The following KRT72 variants were observed in gnomAD, a reference collection of about 807,000 sequenced individuals.
KRT72 encodes the protein keratin, type II cytoskeletal 72.
In KRT72, 44 loss-of-function variants were observed where a neutral mutation model predicts 44.7. The observed-to-expected ratio is 0.98, with a 90% CI of 0.77 to 1.27. The LOEUF (loss-of-function observed/expected upper bound fraction) is 1.27. Ranked by LOEUF, KRT72 falls within the 50% of genes most tolerant of loss-of-function variation. KRT72 has a pLI of 0.00. For synonymous variants in KRT72, 302 were observed against 280.4 expected, an observed-to-expected ratio of 1.08 and a Z score of -0.77; for missense variants, 736 against 667.1, an observed-to-expected ratio of 1.10 and a Z score of -1.14.
chr12:52,599,176 G>T, intron 1 of KRT72, 64 bp from the exon 2 acceptor site: 1 of 1,543,378 alleles, frequency 6.5e-7, no homozygotes, highest in Non-Finnish European at 8.9e-7. Context: ...AGTGGGGAAA[G>T]GGCCCCAAAA....
chr12:52,586,025 T>C lies in KRT72; in HGVS notation c.1493A>G (p.Lys498Arg), dbSNP rs2120698039. Residue 498 changes from lysine to arginine, a missense_variant, in exon 9 of 9, where the codon AAA becomes AGA. Transcript: ENST00000293745. ...GGTGGCACAGCTGCTCCCCGAGGTT[T>C]TGGCAAGGGGATCCTTGAGCTCACT... ...CGSELKDPLA[K>R]TSGSSCATKK... The C allele has an allele frequency of 6.2e-7, 1 of 1,614,036 alleles. No individual in the cohort carries two copies. The highest frequency in any genetic ancestry group is 1.3e-5 in the African/African-American group (1 of 75,054).
At chr12:52,596,864 C>G (rs1940244202) in intron 2 of KRT72, among the ~76,000 whole-genome samples, 1 of 152,074 alleles carries the variant, frequency 6.6e-6, no homozygotes, top group Admixed American at 6.6e-5. Context: ...TTTCGAGATA[C>G]ATGCATATTT....
At chr12:52,589,195 G>A (rs1939900166) in intron 6 of KRT72, among the ~76,000 whole-genome samples, 2 of 152,120 alleles carry the variant, frequency 1.3e-5, no homozygotes, top group African/African-American at 4.8e-5. Flanking sequence ...CATCTGTGGA[G>A]CCACATTTGC....
At chr12:52,594,822 T>C (rs57275952) in intron 2 of KRT72, among the ~76,000 whole-genome samples, 2,109 of 152,280 alleles carry the variant, frequency 0.014, 37 homozygotes, top group African/African-American at 0.048. Flanking sequence ...CAAATGTGAC[T>C]GGGATGTTTT....
intron 2 of KRT72, among the ~76,000 whole-genome samples, chr12:52,593,984 T>G (rs948965688): frequency 6.6e-6 from 1 of 152,210 alleles, no homozygotes; most frequent in African/African-American, 2.4e-5. Context: ...ACATTATGAA[T>G]GTATTTGATA....
intron 2 of KRT72, among the ~76,000 whole-genome samples, 176 bp from the exon 3 acceptor site, chr12:52,593,128 CA>C (rs1940111910): frequency 6.6e-6 from 1 of 152,192 alleles, no homozygotes; most frequent in Non-Finnish European, 1.5e-5. Flanking sequence ...TTAAAGGAAT[CA>C]ATTTCCAGCT....
chr12:52,596,379 A>G (rs756495658), intron 2 of KRT72, among the ~76,000 whole-genome samples: 27 of 152,164 alleles, frequency 1.8e-4, no homozygotes, highest in Non-Finnish European at 3.2e-4. Flanking sequence ...CTTAGAAAAA[A>G]ATCTGCCCCA....
In KRT72 at chr12:52,585,936, G is replaced by C. The variant is rs73320342; in HGVS notation, c.*46C>G. ...GCCCAGGGAAGGAGAGGGAGGAGACGGGTGAGTTGGGAAGCCTTCTGCTCA... is the reference window on the plus strand; with the variant it reads ...GCCCAGGGAAGGAGAGGGAGGAGACCGGTGAGTTGGGAAGCCTTCTGCTCA... On this transcript the variant is annotated 3_prime_UTR_variant, in exon 9 of 9. Transcript: ENST00000293745. 5,096 of 1,537,250 alleles carry C rather than the reference G, an allele frequency of 3.3e-3. 122 individuals carry two copies. The African/African-American group carries it at 0.061, about 18-fold the overall frequency.
chr12:52,599,546 A>G (rs987973174), intron 1 of KRT72: 1 of 440,682 alleles, frequency 2.3e-6, no homozygotes. Context: ...TGTTGTTCAC[A>G]GCAAGTTACC....
rs1940310886 is a variant in KRT72 at position 52,598,904 on chromosome 12, T to G, written c.635A>C (p.Lys212Thr). Residue 212 changes from lysine to threonine, a missense_variant, in exon 2 of 9, where the codon AAG becomes ACG. Coordinates refer to ENST00000293745, the MANE Select transcript of KRT72 (RefSeq NM_080747.3). ...TTCCCTGCCACTCACTCACCTCTTC[T>G]TGTAGTCCTCCACCAAATCCTGCAT... is the stretch of plus-strand genomic sequence containing the variant. Reference protein sequence around the residue: ...RNMQDLVEDYKKRYEVEINRR... With the variant: ...RNMQDLVEDYTKRYEVEINRR... 8 of 1,614,074 alleles carry G rather than the reference T, an allele frequency of 5.0e-6. No individual in the cohort carries two copies. In the South Asian group the frequency reaches 8.8e-5, roughly 18 times the overall value.
chr12:52,586,068 T>C lies in KRT72; in HGVS notation c.1450A>G (p.Thr484Ala). 1 of 1,614,200 alleles carries C rather than the reference T, an allele frequency of 6.2e-7. No homozygotes were observed. The highest frequency in any genetic ancestry group is 1.1e-5 in the South Asian group (1 of 91,088). ...AGCTCACTGCCACAGCTGCCTTTGG[T>C]CTTGACGTCTGCAGCTGCAGTTTTG... is the stretch of plus-strand genomic sequence containing the variant. ...SYKTAAADVK[T>A]KGSCGSELKD... Residue 484 changes from threonine (T) to alanine (A), a missense_variant, in exon 9 of 9, where the codon ACC becomes GCC. By Grantham distance (58) the Thr-to-Ala change is moderately conservative. Transcript: ENST00000293745.
intron 2 of KRT72, among the ~76,000 whole-genome samples, chr12:52,593,482 A>T (rs1392571786): frequency 6.6e-6 from 1 of 152,260 alleles, no homozygotes; most frequent in Non-Finnish European, 1.5e-5. Context: ...TAATACAGAC[A>T]TATTGTTGAT....
intron 1 of KRT72, 50 bp downstream of exon 1, chr12:52,600,977 A>T (rs772138926): frequency 3.1e-6 from 5 of 1,589,126 alleles, no homozygotes; most frequent in Non-Finnish European, 4.3e-6. Context: ...AGCCAGCACC[A>T]CTGTGCACAT....
In KRT72 at chr12:52,591,563, C is replaced by T; in HGVS notation, c.864G>A (p.Arg288=). Residue 288 remains arginine (R), a synonymous_variant, in exon 5 of 9, where the codon CGG becomes CGA. Coordinates refer to ENST00000293745, the MANE Select transcript of KRT72 (RefSeq NM_080747.3). ...CAATGATGCTGTCCAGGTCCAGATC[C>T]CGGTTGTTGTCCATTGACAGGACGA... ...TSIVLSMDNN[R]DLDLDSIIAE... 6.2e-7 allele frequency: 1 copy of T among 1,614,012 alleles called. No individual in the cohort carries two copies. Among genetic ancestry groups the T allele is most frequent in the Non-Finnish European group, 8.5e-7 (1 of 1,179,918 alleles).
chr12:52,599,259 G>T, intron 1 of KRT72, 147 bp from the exon 2 acceptor site: 1 of 736,598 alleles, frequency 1.4e-6, no homozygotes, highest in Non-Finnish European at 2.4e-6. Context: ...TTCAGCCGAG[G>T]GACATGCTCA....
chr12:52,599,850 T>A (rs1434842617), intron 1 of KRT72, among the ~76,000 whole-genome samples: 1 of 152,204 alleles, frequency 6.6e-6, no homozygotes, highest in Non-Finnish European at 1.5e-5. Context: ...CAAGGTGAGC[T>A]CATTTCTTAG....
Position 52,585,978 on chromosome 12 carries a change from T to C in KRT72, c.*4A>G, listed in dbSNP as rs1026281766. The stretch of plus-strand genomic sequence containing the variant: ...TTCTGCTCACAGAGCCAACCACTTG[T>C]CCATCATCTGGAGGCCTTTTTGGTG... On this transcript the variant is annotated 3_prime_UTR_variant, in exon 9 of 9. Coordinates refer to ENST00000293745, the MANE Select transcript of KRT72 (RefSeq NM_080747.3). 1.9e-6 allele frequency: 3 copies of C among 1,611,022 alleles called. No homozygotes were observed. The highest frequency in any genetic ancestry group is 2.7e-5 in the African/African-American group (2 of 74,862).
chr12:52,591,075 TCAAA>T, intron 5 of KRT72, 114 bp from the exon 6 acceptor site: 1 of 1,070,330 alleles, frequency 9.3e-7, no homozygotes, highest in Non-Finnish European at 1.3e-6. Flanking sequence ...CCTCAGGTTC[TCAAA>T]CATGAGAGCC....
In KRT72 at chr12:52,586,067, G is replaced by C. The variant is rs1424912090; in HGVS notation, c.1451C>G (p.Thr484Ser). The C allele has an allele frequency of 6.2e-7, 1 of 1,614,088 alleles. No homozygotes were observed. Among genetic ancestry groups the C allele is most frequent in the Non-Finnish European group, 8.5e-7 (1 of 1,180,050 alleles). ...SYKTAAADVK[T>S]KGSCGSELKD... The stretch of plus-strand genomic sequence containing the variant: ...GAGCTCACTGCCACAGCTGCCTTTG[G>C]TCTTGACGTCTGCAGCTGCAGTTTT... The change falls in exon 9 of 9, where the codon ACC becomes AGC. Residue 484 changes from threonine to serine, a missense_variant. Transcript: ENST00000293745.
Sources: allele counts gnomAD v4.1 joint callset (sites outside exome capture counted in the v4.1 genomes callset), GRCh38; gene constraint gnomAD v4.1.1; transcripts MANE v1.5; gene names NCBI Gene and HGNC (gene_info 2026-07-23, HGNC 2026-07-21).